The following KRTAP13-4 variants were observed in gnomAD, a reference collection of about 807,000 sequenced individuals.
KRTAP13-4 encodes the protein keratin associated protein 13-4.
For missense variants in KRTAP13-4, 198 were observed against 189.6 expected, an observed-to-expected ratio of 1.04 and a Z score of -0.26; for synonymous variants, 80 against 77.2, an observed-to-expected ratio of 1.04 and a Z score of -0.19.
At chr21:30,430,760 T>G (rs759832427) in exon 1 of KRTAP13-4, 3 of 1,600,176 alleles carry the variant, frequency 1.9e-6, no homozygotes, top group Non-Finnish European at 2.6e-6. Flanking sequence ...ACCTGCTAAA[T>G]TTCTAGATCC....
chr21:30,430,807 G>A, exon 1 of KRTAP13-4: 2 of 1,529,320 alleles, frequency 1.3e-6, no homozygotes, highest in Non-Finnish European at 1.8e-6. Flanking sequence ...ACTGAATGCA[G>A]CCATTATTTT....
chr21:30,430,351 C>T (rs967294296), exon 1 of KRTAP13-4: 6 of 1,613,588 alleles, frequency 3.7e-6, no homozygotes, highest in African/African-American at 2.7e-5. Context: ...AGGCTCCTAC[C>T]CCAGCAGCCT....
chr21:30,430,632 C>T, exon 1 of KRTAP13-4: 1 of 1,614,174 alleles, frequency 6.2e-7, no homozygotes, highest in Non-Finnish European at 8.5e-7. Context: ...AATATGGAGG[C>T]TGTGGTTTTC....
chr21:30,430,393 A>T (rs1984419329), exon 1 of KRTAP13-4: 2 of 1,614,090 alleles, frequency 1.2e-6, no homozygotes, highest in Non-Finnish European at 1.7e-6. Flanking sequence ...CTCTCCCAGC[A>T]CCTGCCAGCT....
At chr21:30,430,726 T>A in exon 1 of KRTAP13-4, 1 of 1,612,604 alleles carries the variant, frequency 6.2e-7, no homozygotes, top group Non-Finnish European at 8.5e-7. Context: ...CAGACCAATC[T>A]GTGGATCTCG....
At chr21:30,430,911 A>C (rs914265924) in exon 1 of KRTAP13-4, 3 of 762,628 alleles carry the variant, frequency 3.9e-6, no homozygotes, top group East Asian at 2.5e-5. Context: ...TGAGTAACCT[A>C]ATATTAACTT....
rs1462001953 is a variant in KRTAP13-4 at position 30,430,372 on chromosome 21, A to G, written c.97A>G (p.Thr33Ala). 1.9e-6 allele frequency: 3 copies of G among 1,614,008 alleles called. No homozygotes were observed. In the African/African-American group the frequency reaches 4.0e-5, roughly 22 times the overall value. The change falls in exon 1 of 1, where the codon ACT becomes GCT. Residue 33 changes from threonine to alanine, a missense_variant. Physicochemically the swap from Thr to Ala is moderately conservative, Grantham distance 58. Transcript: ENST00000334068. Reference sequence around the variant, plus strand: ...CTACCCCAGCAGCCTGGTCTACAGCACTGCCCTCTGCTCTCCCAGCACCTG... The same window carrying G: ...CTACCCCAGCAGCCTGGTCTACAGCGCTGCCCTCTGCTCTCCCAGCACCTG...
exon 1 of KRTAP13-4, chr21:30,430,835 A>T (rs1480315630): frequency 8.7e-6 from 13 of 1,498,270 alleles, no homozygotes; most frequent in Non-Finnish European, 1.1e-5. Flanking sequence ...GCCAGATCCC[A>T]ATATCTTTTT....
At chr21:30,430,558 C>T in the KRTAP13-4 span, 1 of 1,614,188 alleles carries the variant, frequency 6.2e-7, no homozygotes, top group South Asian at 1.1e-5. Context: ...CTGTCGCTCC[C>T]AGGGCTATGG....
Position 30,430,918 on chromosome 21 carries a change from A to T in KRTAP13-4, c.*160A>T, listed in dbSNP as rs987550409. 6.9e-6 allele frequency: 5 copies of T among 726,730 alleles called. No homozygotes were observed. In the African/African-American group the frequency reaches 8.9e-5, roughly 13 times the overall value. 45.0% of individuals were successfully genotyped at this position (726,730 alleles called of 1,614,324 possible). On this transcript the variant is annotated 3_prime_UTR_variant, in exon 1 of 1. Coordinates refer to ENST00000334068, the Ensembl canonical transcript of KRTAP13-4. ...GAAATTAATGAGTAACCTAATATTA[A>T]CTTCTAATATCTTTACCATTGATCG...
chr21:30,430,297 A>G, exon 1 of KRTAP13-4: 2 of 1,611,216 alleles, frequency 1.2e-6, no homozygotes, highest in Non-Finnish European at 1.7e-6. Flanking sequence ...CTGCTGCTCT[A>G]GAAACTTCTC....
chr21:30,430,564 T>A (rs561891471), exon 1 of KRTAP13-4: 22 of 1,614,048 alleles, frequency 1.4e-5, no homozygotes, highest in Middle Eastern at 1.6e-4. Flanking sequence ...CTCCCAGGGC[T>A]ATGGATCTAG....
chr21:30,430,384 T>C, exon 1 of KRTAP13-4: 1 of 1,614,122 alleles, frequency 6.2e-7, no homozygotes, highest in Non-Finnish European at 8.5e-7. Flanking sequence ...TGCCCTCTGC[T>C]CTCCCAGCAC....
chr21:30,430,458 C>A, the KRTAP13-4 span: 1 of 1,614,036 alleles, frequency 6.2e-7, no homozygotes, highest in Admixed American at 1.7e-5. Flanking sequence ...CCGCCAGCTG[C>A]CAGAAATCCT....
chr21:30,430,933 A>G, exon 1 of KRTAP13-4: 1 of 666,810 alleles, frequency 1.5e-6, no homozygotes, highest in South Asian at 2.3e-5. Flanking sequence ...TAATATCTTT[A>G]CCATTGATCG....
At chr21:30,430,662 C>T in exon 1 of KRTAP13-4, 1 of 1,614,200 alleles carries the variant, frequency 6.2e-7, no homozygotes, top group Non-Finnish European at 8.5e-7. Context: ...GTTACGGATC[C>T]AGATTCTGCT....
chr21:30,430,276 A>G (rs780680912), exon 1 of KRTAP13-4: 20 of 1,599,360 alleles, frequency 1.3e-5, no homozygotes, highest in Admixed American at 1.7e-5. Context: ...TCTCATCAGC[A>G]TGTCCTACAA....
exon 1 of KRTAP13-4, chr21:30,430,885 C>A (rs924448783): frequency 2.8e-6 from 3 of 1,064,786 alleles, no homozygotes; most frequent in East Asian, 2.4e-5. Context: ...CAACTTCTGG[C>A]AGACTGCGAA....
chr21:30,430,231 G>A, exon 1 of KRTAP13-4: 1 of 1,514,582 alleles, frequency 6.6e-7, no homozygotes, highest in Non-Finnish European at 8.9e-7. Context: ...TTAAAACTCA[G>A]AATCTTCTTA....
Sources: gnomAD v4.1 joint callset for allele counts on GRCh38, gnomAD v4.1.1 for gene constraint, MANE v1.5 for transcripts, NCBI Gene and HGNC (gene_info 2026-07-23, HGNC 2026-07-21) for gene names.